The following ASAP2 variants were observed in gnomAD, a reference collection of about 807,000 sequenced individuals.
ASAP2 encodes the protein ArfGAP with SH3 domain, ankyrin repeat and PH domain 2, also known as arf-GAP with SH3 domain, ANK repeat and PH domain-containing protein 2.
Under a neutral mutation model 131.4 loss-of-function variants are expected in ASAP2, and 45 were observed. The ratio of observed to expected loss-of-function variants is 0.34; its 90% confidence interval spans 0.27 to 0.44. The LOEUF (loss-of-function observed/expected upper bound fraction) is 0.44. Among genes scored for constraint, ASAP2 ranks in the 20% least tolerant of loss-of-function variants. ASAP2 has a pLI of 1.00. For synonymous variants in ASAP2, 510 were observed against 503.0 expected (o/e 1.01, Z -0.19); for missense variants, 1,011 against 1,297.0 (o/e 0.78, Z 3.39).
rs773560263 is a variant in ASAP2, at chr2:9,385,307, A to G, written c.2079A>G (p.Leu693=). The part of the protein sequence containing the change: ...SHVHVEYEWR[L]LHEDLDESDD... Reference sequence around the variant, plus strand: ...TTCACGTTGAATATGAATGGCGACTACTCCACGAAGACCTGGATGAAAGTG... The same window carrying G: ...TTCACGTTGAATATGAATGGCGACTGCTCCACGAAGACCTGGATGAAAGTG... Residue 693 remains leucine (L), a synonymous_variant, in exon 21 of 28, where the codon CTA becomes CTG. Coordinates refer to ENST00000281419, the MANE Select transcript of ASAP2 (RefSeq NM_003887.3). The G allele has an allele frequency of 4.3e-6, 7 of 1,614,058 alleles. No homozygotes were observed. The highest frequency in any genetic ancestry group is 1.3e-5 in the African/African-American group (1 of 74,916).
At chr2:9,300,194 C>T (rs1019456487) in intron 3 of ASAP2, among the ~76,000 whole-genome samples, 9 of 152,230 alleles carry the variant, frequency 5.9e-5, no homozygotes, top group African/African-American at 2.2e-4. Flanking sequence ...CATCACGCCC[C>T]TGTACTCCAC....
chr2:9,374,767 G>A lies in ASAP2; in HGVS notation c.1569G>A (p.Lys523=), dbSNP rs769838212. ...PNPGSDMNAR[K]DYITAKYIER... Reference sequence around the variant, plus strand: ...CGTTTGGTTTCAGGAATGCAAGAAAGGACTACATCACAGCCAAGTACATCG... The same window carrying A: ...CGTTTGGTTTCAGGAATGCAAGAAAAGACTACATCACAGCCAAGTACATCG... Residue 523 remains lysine (K), a synonymous_variant, in exon 17 of 28, where the codon AAG becomes AAA. Coordinates refer to ENST00000281419, the MANE Select transcript of ASAP2 (RefSeq NM_003887.3). The A allele has an allele frequency of 1.9e-6, 3 of 1,599,046 alleles. No homozygotes were observed. The highest frequency in any genetic ancestry group is 4.5e-5 in the East Asian group (2 of 44,650).
intron 1 of ASAP2, among the ~76,000 whole-genome samples, chr2:9,220,943 T>G (rs949964838): frequency 1.3e-5 from 2 of 152,204 alleles, no homozygotes; most frequent in African/African-American, 4.8e-5. Context: ...GGCATCCTTT[T>G]TAAAAGTTGA....
chr2:9,318,036 CGTGTG>C (rs1241811630), intron 3 of ASAP2, among the ~76,000 whole-genome samples: 1 of 152,194 alleles, frequency 6.6e-6, no homozygotes, highest in African/African-American at 2.4e-5. Flanking sequence ...AGCATTCGCT[CGTGTG>C]CCTTTGCAGC....
At chr2:9,400,228 GCCCCCTC>G (rs1363506779) in intron 25 of ASAP2, among the ~76,000 whole-genome samples, 156 bp downstream of exon 25, 7 of 13,886 alleles carry the variant, frequency 5.0e-4, no homozygotes, top group East Asian at 2.0e-3. Context: ...CTCCCCTCCT[GCCCCCTC>G]CCCTCCTGCC....
intron 1 of ASAP2, among the ~76,000 whole-genome samples, chr2:9,223,811 T>G (rs1662587415): frequency 6.6e-6 from 1 of 152,016 alleles, no homozygotes; most frequent in Non-Finnish European, 1.5e-5. Flanking sequence ...AGAGAGGAGT[T>G]AGACCAGCTT....
At chr2:9,343,436 T>A (rs1671730455) in intron 9 of ASAP2, among the ~76,000 whole-genome samples, 1 of 152,042 alleles carries the variant, frequency 6.6e-6, no homozygotes, top group Non-Finnish European at 1.5e-5. Context: ...TGTCTGCTAC[T>A]GTTTGTTTTG....
intron 3 of ASAP2, among the ~76,000 whole-genome samples, chr2:9,303,043 G>A (rs1668599987): frequency 6.6e-6 from 1 of 152,130 alleles, no homozygotes; most frequent in Non-Finnish European, 1.5e-5. Flanking sequence ...TAGACATCTT[G>A]CTACCAGAGG....
intron 9 of ASAP2, among the ~76,000 whole-genome samples, chr2:9,337,756 G>A (rs1671308928): frequency 6.6e-6 from 1 of 152,104 alleles, no homozygotes; most frequent in Non-Finnish European, 1.5e-5. Flanking sequence ...TGCCGTTCTG[G>A]TCCCGGTGAC....
At chr2:9,320,062 T>G (rs1670056715) in intron 4 of ASAP2, among the ~76,000 whole-genome samples, 1 of 152,222 alleles carries the variant, frequency 6.6e-6, no homozygotes, top group South Asian at 2.1e-4. Flanking sequence ...ACCTTGCTTT[T>G]GTGTACATTT....
intron 1 of ASAP2, among the ~76,000 whole-genome samples, chr2:9,215,787 A>G (rs1379789942): frequency 6.6e-6 from 1 of 152,026 alleles, no homozygotes; most frequent in African/African-American, 2.4e-5. Context: ...CTAGCTGAGA[A>G]GAGTTGCACC....
chr2:9,390,846 A>C (rs1675659941), intron 22 of ASAP2, among the ~76,000 whole-genome samples: 1 of 152,246 alleles, frequency 6.6e-6, no homozygotes, highest in Middle Eastern at 3.2e-3. Context: ...CCTGCTGAGA[A>C]TAGTCCTTGG....
At chr2:9,391,298 C>A in intron 23 of ASAP2, 102 bp downstream of exon 23, 1 of 1,471,520 alleles carries the variant, frequency 6.8e-7, no homozygotes, top group Non-Finnish European at 9.1e-7. Flanking sequence ...AGACACGTGC[C>A]AAGTGCCCCG....
intron 16 of ASAP2, among the ~76,000 whole-genome samples, chr2:9,370,066 C>T (rs1334316678): frequency 6.6e-6 from 1 of 152,158 alleles, no homozygotes; most frequent in Non-Finnish European, 1.5e-5. Flanking sequence ...TCTTGAACTC[C>T]TGACCTCGTG....
chr2:9,208,638 T>G (rs1366024575), intron 1 of ASAP2, among the ~76,000 whole-genome samples: 1 of 152,174 alleles, frequency 6.6e-6, no homozygotes, highest in African/African-American at 2.4e-5. Context: ...TGTAAACCTT[T>G]CCTATGAATT....
In ASAP2 at chr2:9,356,051, C is replaced by T; in HGVS notation, c.1116C>T (p.Asp372=). 3 of 1,614,098 alleles carry T rather than the reference C, an allele frequency of 1.9e-6. No homozygotes were observed. The highest frequency in any genetic ancestry group is 2.5e-6 in the Non-Finnish European group (3 of 1,180,016). The part of the protein sequence containing the change: ...EKKCFDLISH[D]RTYHFQAEDE... Reference sequence around the variant, plus strand: ...GAAATTCCTCTTGCTATGCAGATGACAGAACTTACCACTTTCAAGCTGAAG... The same window carrying T: ...GAAATTCCTCTTGCTATGCAGATGATAGAACTTACCACTTTCAAGCTGAAG... Residue 372 remains aspartate (D), a synonymous_variant, in exon 13 of 28, where the codon GAC becomes GAT. Coordinates refer to ENST00000281419, the MANE Select transcript of ASAP2 (RefSeq NM_003887.3).
intron 14 of ASAP2, 65 bp from the exon 15 acceptor site, chr2:9,358,691 G>GA: frequency 6.4e-7 from 1 of 1,554,990 alleles, no homozygotes; most frequent in Non-Finnish European, 8.7e-7. Context: ...TATGCAGGAA[G>GA]AAAGATGTGA....
At chr2:9,222,143 A>G (rs1327799022) in intron 1 of ASAP2, among the ~76,000 whole-genome samples, 1 of 152,092 alleles carries the variant, frequency 6.6e-6, no homozygotes, top group Non-Finnish European at 1.5e-5. Context: ...TAAATTCCCA[A>G]TGATTTGCAC....
At chr2:9,209,817 C>T (rs527930252) in intron 1 of ASAP2, among the ~76,000 whole-genome samples, 1 of 152,376 alleles carries the variant, frequency 6.6e-6, no homozygotes, top group East Asian at 1.9e-4. Flanking sequence ...GATCCACCTG[C>T]CTCAGCCTCC....
Sources: allele counts gnomAD v4.1 joint callset (sites outside exome capture counted in the v4.1 genomes callset), GRCh38; gene constraint gnomAD v4.1.1; transcripts MANE v1.5; gene names NCBI Gene and HGNC (gene_info 2026-07-23, HGNC 2026-07-21).